ZNF385A: variants seen among roughly 807,000 people sequenced by gnomAD.
ZNF385A encodes the protein zinc finger protein 385A, also known as hematopoietic zinc finger protein.
ZNF385A carries 14 observed loss-of-function variants against 32.1 expected under a neutral mutation model. The observed-to-expected ratio is 0.44, with a 90% CI of 0.29 to 0.68. The LOEUF (loss-of-function observed/expected upper bound fraction) is 0.68, where lower values mean the gene tolerates loss of function less well. Ranked by LOEUF, ZNF385A falls within the 30% of genes least tolerant of loss-of-function variation. ZNF385A has a pLI of 0.14. For synonymous variants in ZNF385A, 197 were observed against 202.7 expected, an observed-to-expected ratio of 0.97 and a Z score of 0.24; for missense variants, 406 against 478.4, an observed-to-expected ratio of 0.85 and a Z score of 1.41.
At chr12:54,385,420 G>T (rs1046382019), upstream of ZNF385A, among the ~76,000 whole-genome samples, 1 of 152,098 alleles carries the variant, frequency 6.6e-6, no homozygotes, top group Non-Finnish European at 1.5e-5. Flanking sequence ...CTCCAAAGGG[G>T]CAGCCCAAAG....
At chr12:54,373,061 A>G (rs1954634063) in intron 3 of ZNF385A, 1 of 172,390 alleles carries the variant, frequency 5.8e-6, no homozygotes, top group Admixed American at 6.4e-5. Context: ...AACAAAAAAC[A>G]GAACTCAGTT....
intron 2 of ZNF385A, 66 bp from the exon 3 acceptor site, chr12:54,374,201 G>GAT: frequency 7.1e-7 from 1 of 1,409,142 alleles, no homozygotes; most frequent in African/African-American, 1.4e-5. Flanking sequence ...TCCCCACAGA[G>GAT]CTCCCTCAAG....
intron 3 of ZNF385A, among the ~76,000 whole-genome samples, chr12:54,372,299 T>C (rs1954593082): frequency 6.6e-6 from 1 of 152,200 alleles, no homozygotes; most frequent in South Asian, 2.1e-4. Flanking sequence ...TTCTGGCCTC[T>C]GTACAGGGGA....
At chr12:54,381,535 C>T (rs1955180021) in intron 1 of ZNF385A, 1 of 152,252 alleles carries the variant, frequency 6.6e-6, no homozygotes, top group South Asian at 2.1e-4. Flanking sequence ...TCTGTGTTTC[C>T]TCATCTATAC....
Position 54,370,219 on chromosome 12 carries a change from A to G in ZNF385A, c.*37T>C. On this transcript the variant is annotated 3_prime_UTR_variant, in exon 7 of 7. Coordinates refer to ENST00000394313, the MANE Select transcript of ZNF385A (RefSeq NM_015481.3). The surrounding 1 kb of genome is among the most constrained non-coding windows in gnomAD (Gnocchi z 5.5). ...GCCCGGACGCCTGGGTCCCGGCTGG[A>G]GGTGGGGAGTTGAATGGGAGGGGTT... 7.2e-7 allele frequency: 1 copy of G among 1,387,876 alleles called. No individual in the cohort carries two copies. The highest frequency in any genetic ancestry group is 9.4e-7 in the Non-Finnish European group (1 of 1,062,832). The allele number at this position is 1,387,876 out of a possible 1,614,324, so 86.0% of individuals were successfully genotyped here.
chr12:54,377,016 C>T (rs1319296446), intron 1 of ZNF385A, among the ~76,000 whole-genome samples: 1 of 152,152 alleles, frequency 6.6e-6, no homozygotes, highest in African/African-American at 2.4e-5. Context: ...AAAATAGTTG[C>T]TGGGGACTTG....
At chr12:54,378,600 C>G (rs1006856806) in intron 1 of ZNF385A, among the ~76,000 whole-genome samples, 1 of 152,074 alleles carries the variant, frequency 6.6e-6, no homozygotes, top group Non-Finnish European at 1.5e-5. Context: ...ACTTCCCCAC[C>G]CACCAAAATT....
Position 54,370,355 on chromosome 12 carries a change from T to C in ZNF385A, c.1002A>G (p.Ala334=). Residue 334 remains alanine (A), a synonymous_variant, in exon 7 of 7, where the codon GCA becomes GCG. Coordinates refer to ENST00000394313, the MANE Select transcript of ZNF385A (RefSeq NM_015481.3). The surrounding 1 kb of genome is among the most constrained non-coding windows in gnomAD (Gnocchi z 5.5). ...TGATCGGCGGTCCCTGGAGAAGAGG[T>C]GCGGCTGGAGCCGGGCGCAGGGACA... ...SPLSLRPAPA[A]PLLQGPPITH... is the part of the protein sequence containing the mutation. 1 of 1,504,468 alleles carries C rather than the reference T, an allele frequency of 6.6e-7. No individual in the cohort carries two copies. Among genetic ancestry groups the C allele is most frequent in the Non-Finnish European group, 8.9e-7 (1 of 1,125,318 alleles). The allele number at this position is 1,504,468 out of a possible 1,614,324, so 93.2% of individuals were successfully genotyped here. A position where few individuals can be genotyped will look rare whatever the true frequency, so the allele number is the denominator to read the frequency against.
intron 1 of ZNF385A, among the ~76,000 whole-genome samples, chr12:54,379,596 GC>G (rs1249831963): frequency 6.6e-6 from 1 of 152,054 alleles, no homozygotes; most frequent in Non-Finnish European, 1.5e-5. Flanking sequence ...GCAAACGGCG[GC>G]CCCTATGCTG....
At chr12:54,389,899 GA>G (rs1955591481) in intron 1 of ZNF385A, among the ~76,000 whole-genome samples, 1 of 152,150 alleles carries the variant, frequency 6.6e-6, no homozygotes, top group African/African-American at 2.4e-5. Context: ...CCATTCAATA[GA>G]TAGGTGGAGT....
rs1402116588 is a variant in ZNF385A at position 54,384,405 on chromosome 12, A to AAGGC, written c.87+19_87+22dup. 4.5e-6 allele frequency: 7 copies of AAGGC among 1,563,222 alleles called. No individual in the cohort carries two copies. In the South Asian group the frequency reaches 8.3e-5, roughly 18 times the overall value. Reference sequence around the variant, plus strand: ...AAGGTCGGGTCACAAGAGGATGGAGAAGGCAGGCAGGCTGCTACTTACGGT... The same window carrying AAGGC: ...AAGGTCGGGTCACAAGAGGATGGAGAAGGCAGGCAGGCAGGCTGCTACTTACGGT... On this transcript the variant is annotated intron_variant, in intron 1 of 6. Coordinates refer to ENST00000394313, the MANE Select transcript of ZNF385A (RefSeq NM_015481.3).
At chr12:54,388,083 G>GT (rs1555163233), upstream of ZNF385A, among the ~76,000 whole-genome samples, 5 of 150,346 alleles carry the variant, frequency 3.3e-5, no homozygotes, top group South Asian at 4.3e-4. Context: ...GTGTGTGTGT[G>GT]GCACCCATGT....
Position 54,370,953 on chromosome 12 carries a change from C to A in ZNF385A, c.748G>T (p.Val250Phe), listed in dbSNP as rs1244112343. The change falls in exon 5 of 7, where the codon GTC becomes TTC. Residue 250 changes from valine (V) to phenylalanine (F), a missense_variant. By Grantham distance (50) the Val-to-Phe change is conservative. Transcript: ENST00000394313. The surrounding 1 kb of genome is among the most constrained non-coding windows in gnomAD (Gnocchi z 5.5). ...TGTTTCAGTTGGACCTCCGAGTTGA[C>A]CTTGACATTGCAGATCTCACAGTGG... ...TFHCEICNVK[V>F]NSEVQLKQHI... 6.2e-7 allele frequency: 1 copy of A among 1,614,092 alleles called. No individual in the cohort carries two copies. Among genetic ancestry groups the A allele is most frequent in the African/African-American group, 1.3e-5 (1 of 74,928 alleles).
intron 1 of ZNF385A, among the ~76,000 whole-genome samples, chr12:54,382,513 C>T (rs938810695): frequency 6.6e-6 from 1 of 152,110 alleles, no homozygotes; most frequent in Non-Finnish European, 1.5e-5. Flanking sequence ...ACTGTGTCAA[C>T]TTATATAAAT....
rs754756165 is a variant in ZNF385A, at chr12:54,371,589, G to A, written c.488C>T (p.Pro163Leu). 3.5e-5 allele frequency: 57 copies of A among 1,613,556 alleles called. No individual in the cohort carries two copies. The highest frequency in any genetic ancestry group is 5.5e-5 in the South Asian group (5 of 91,056). ...CTTGCTACCCCCAGGCAAGGAAGCC[G>A]GGGCTGGAGTCCCCCCTTCACCCTT... Reference protein sequence around the residue: ...VTKGEGGTPAPASLPGGSKEE... With the variant: ...VTKGEGGTPALASLPGGSKEE... The change falls in exon 4 of 7, where the codon CCG becomes CTG. Residue 163 changes from proline to leucine, a missense_variant. By Grantham distance (98) the Pro-to-Leu change is moderately conservative. Coordinates refer to ENST00000394313, the MANE Select transcript of ZNF385A (RefSeq NM_015481.3).
chr12:54,387,717 A>G (rs1177742324), upstream of ZNF385A, among the ~76,000 whole-genome samples: 2 of 152,252 alleles, frequency 1.3e-5, no homozygotes, highest in African/African-American at 4.8e-5. Flanking sequence ...AGATGCTGGC[A>G]TGTCACAGTG....
intron 1 of ZNF385A, among the ~76,000 whole-genome samples, chr12:54,379,832 C>T (rs1312038730): frequency 6.6e-6 from 1 of 152,254 alleles, no homozygotes; most frequent in Non-Finnish European, 1.5e-5. Context: ...ACGCTTCGTG[C>T]ACCTGCTGCC....
intron 2 of ZNF385A, 150 bp downstream of exon 2, chr12:54,375,694 G>A (rs541219440): frequency 5.9e-6 from 4 of 678,916 alleles, no homozygotes; most frequent in East Asian, 2.7e-5. Flanking sequence ...CCCCTCCTGC[G>A]GTATCCCCAT....
chr12:54,390,439 C>A (rs73113384), intron 1 of ZNF385A, among the ~76,000 whole-genome samples: 202 of 152,128 alleles, frequency 1.3e-3, no homozygotes, highest in Middle Eastern at 3.4e-3. Context: ...CCCATACTTA[C>A]CCTCTCCATT....
Sources: gnomAD v4.1 joint callset for allele counts (sites outside exome capture counted in the v4.1 genomes callset) on GRCh38, gnomAD v4.1.1 for gene constraint, Gnocchi (gnomAD v3.1) non-coding constraint, MANE v1.5 for transcripts, NCBI Gene and HGNC (gene_info 2026-07-23, HGNC 2026-07-21) for gene names.